Variants in GALNTL6 observed in about 807,000 individuals in gnomAD.
GALNTL6 encodes the protein polypeptide N-acetylgalactosaminyltransferase-like 6.
In GALNTL6, 46 loss-of-function variants were observed where a neutral mutation model predicts 73.7. That is an observed-to-expected ratio of 0.62 (90% CI 0.49 to 0.80). The LOEUF (loss-of-function observed/expected upper bound fraction) is 0.80, where lower values mean the gene tolerates loss of function less well. Among genes scored for constraint, GALNTL6 ranks in the 30% least tolerant of loss-of-function variants. The probability of loss-of-function intolerance (pLI) is 0.00; values close to 1 mark genes in which losing one functional copy is unlikely to be tolerated. For synonymous variants in GALNTL6, 259 were observed against 263.7 expected, an observed-to-expected ratio of 0.98 and a Z score of 0.17; for missense variants, 604 against 755.0, an observed-to-expected ratio of 0.80 and a Z score of 2.34.
intron 5 of GALNTL6, among the ~76,000 whole-genome samples, chr4:172,751,678 A>C (rs2110783527): frequency 6.6e-6 from 1 of 152,328 alleles, no homozygotes; most frequent in South Asian, 2.1e-4. Flanking sequence ...GCATATGCCC[A>C]ATTGACAGCC....
intron 5 of GALNTL6, among the ~76,000 whole-genome samples, chr4:172,665,979 C>G (rs1458702852): frequency 6.6e-6 from 1 of 151,972 alleles, no homozygotes; most frequent in Non-Finnish European, 1.5e-5. Context: ...TTCTGCTTTT[C>G]TTTATTTTTA....
At chr4:172,015,646 A>T (rs934278277) in intron 2 of GALNTL6, among the ~76,000 whole-genome samples, 1 of 152,074 alleles carries the variant, frequency 6.6e-6, no homozygotes, top group Non-Finnish European at 1.5e-5. Context: ...TGTGAGATTT[A>T]TTCTTTAAGG....
chr4:172,278,781 G>A (rs1231276016), intron 3 of GALNTL6, among the ~76,000 whole-genome samples: 1 of 152,078 alleles, frequency 6.6e-6, no homozygotes, highest in African/African-American at 2.4e-5. Context: ...TTTTGAAACT[G>A]AAAAAGAATT....
At chr4:172,747,919 A>G (rs1199316344) in intron 5 of GALNTL6, among the ~76,000 whole-genome samples, 1 of 151,962 alleles carries the variant, frequency 6.6e-6, no homozygotes, top group African/African-American at 2.4e-5. Flanking sequence ...GTTAAGCTAA[A>G]TAAGCCAGGC....
At position 172,742,817 on chromosome 4, in the gene GALNTL6, G is replaced by A. The variant is rs61649337; in HGVS notation, c.554-66544G>A. 6.1e-3 allele frequency among the ~76,000 whole-genome samples: 926 copies of A among 152,160 alleles called. 9 individuals are homozygous for A. The highest frequency in any genetic ancestry group is 0.017 in the African/African-American group (724 of 41,532). On this transcript the variant is annotated intron_variant, in intron 5 of 12. Transcript: ENST00000506823. Reference sequence around the variant, plus strand: ...TTTTGGAAGCCTTAATACTATAGCAGTCCACTTCTAGTTGGTGCTAATGTA... The same window carrying A: ...TTTTGGAAGCCTTAATACTATAGCAATCCACTTCTAGTTGGTGCTAATGTA...
intron 5 of GALNTL6, among the ~76,000 whole-genome samples, chr4:172,610,742 T>G (rs1000991546): frequency 6.6e-6 from 1 of 152,066 alleles, no homozygotes; most frequent in Non-Finnish European, 1.5e-5. Flanking sequence ...AATATCTTTG[T>G]TAATATTCTG....
chr4:172,615,130 G>A (rs1015927519), intron 5 of GALNTL6, among the ~76,000 whole-genome samples: 6 of 151,412 alleles, frequency 4.0e-5, no homozygotes, highest in Non-Finnish European at 8.8e-5. Flanking sequence ...CTGCTGAAAC[G>A]GTGTTAATCT....
At position 172,892,173 on chromosome 4, in the gene GALNTL6, A is replaced by C. The variant is rs553171093; in HGVS notation, c.1041+9266A>C. Among the ~76,000 whole-genome samples the C allele has an allele frequency of 2.0e-5, 3 of 152,286 alleles. No homozygotes were observed. The South Asian group carries it at 6.2e-4, about 32-fold the overall frequency. On this transcript the variant is annotated intron_variant, in intron 8 of 12. Coordinates refer to ENST00000506823, the MANE Select transcript of GALNTL6 (RefSeq NM_001034845.3). Reference sequence around the variant, plus strand: ...AGACATTTCAATGTGGTTAGGATCCATTGCTGGGGAGCTAGTGCAATCCTT... The same window carrying C: ...AGACATTTCAATGTGGTTAGGATCCCTTGCTGGGGAGCTAGTGCAATCCTT...
At chr4:172,246,617 C>T (rs542549296) in intron 3 of GALNTL6, among the ~76,000 whole-genome samples, 10 of 151,868 alleles carry the variant, frequency 6.6e-5, no homozygotes, top group Middle Eastern at 3.4e-3. Flanking sequence ...GGGATATCAG[C>T]GTCACACTTA....
chr4:172,484,180 A>C (rs1733593073), intron 5 of GALNTL6, among the ~76,000 whole-genome samples: 1 of 152,174 alleles, frequency 6.6e-6, no homozygotes, highest in South Asian at 2.1e-4. Flanking sequence ...TTGATCTGCT[A>C]TGTAAAAGAT....
At chr4:172,263,216 A>G (rs1333148283) in intron 3 of GALNTL6, among the ~76,000 whole-genome samples, 1 of 151,450 alleles carries the variant, frequency 6.6e-6, no homozygotes, top group East Asian at 1.9e-4. Flanking sequence ...AATAAGTTTT[A>G]CAAACTTTTA....
chr4:172,372,032 A>C (rs1471886165), intron 5 of GALNTL6, among the ~76,000 whole-genome samples: 1 of 152,194 alleles, frequency 6.6e-6, no homozygotes, highest in East Asian at 1.9e-4. Flanking sequence ...TCTAAGGCTC[A>C]GGTAAGTGCC....
intron 5 of GALNTL6, among the ~76,000 whole-genome samples, chr4:172,386,056 T>C (rs982572790): frequency 6.6e-6 from 1 of 152,162 alleles, no homozygotes; most frequent in African/African-American, 2.4e-5. Context: ...TCCTGCTTTA[T>C]GCTATTATTT....
In GALNTL6 at chr4:172,950,808, G is replaced by A. The variant is rs571098500; in HGVS notation, c.1150-1229G>A. On this transcript the variant is annotated intron_variant, in intron 9 of 12. Transcript: ENST00000506823. ...CCATTGCAGTCATTTTATCTTCTAA[G>A]TGCAAGTGAGAAACAGGAGTGGGTC... 2.0e-5 allele frequency among the ~76,000 whole-genome samples: 3 copies of A among 152,298 alleles called. No individual in the cohort carries two copies. The South Asian group carries it at 6.2e-4, about 32-fold the overall frequency.
intron 5 of GALNTL6, among the ~76,000 whole-genome samples, chr4:172,462,138 G>A (rs1432657610): frequency 2.6e-5 from 4 of 152,074 alleles, no homozygotes; most frequent in African/African-American, 9.7e-5. Flanking sequence ...CTCATTTTCA[G>A]GCCTTCAGAC....
chr4:172,775,363 T>C (rs1579465504), intron 5 of GALNTL6, among the ~76,000 whole-genome samples: 1 of 150,898 alleles, frequency 6.6e-6, no homozygotes, highest in East Asian at 1.9e-4. Flanking sequence ...TACTAATGTG[T>C]TTTCAAAAAT....
At chr4:172,310,637 G>T (rs772385904) in intron 3 of GALNTL6, among the ~76,000 whole-genome samples, 2 of 151,760 alleles carry the variant, frequency 1.3e-5, no homozygotes, top group Non-Finnish European at 1.5e-5. Context: ...TATATTTATC[G>T]CACTTCTCAC....
At chr4:172,907,100 C>G (rs1385900221) in intron 8 of GALNTL6, among the ~76,000 whole-genome samples, 1 of 150,794 alleles carries the variant, frequency 6.6e-6, no homozygotes, top group Non-Finnish European at 1.5e-5. Flanking sequence ...CCAATGACCA[C>G]AGAAGAAGGA....
chr4:172,263,734 T>A (rs866118436), intron 3 of GALNTL6, among the ~76,000 whole-genome samples: 5 of 151,792 alleles, frequency 3.3e-5, no homozygotes, highest in African/African-American at 9.6e-5. Flanking sequence ...AATTTTTTAT[T>A]TTCTTATTTT....
Sources: allele counts gnomAD v4.1 joint callset (sites outside exome capture counted in the v4.1 genomes callset), GRCh38; gene constraint gnomAD v4.1.1; transcripts MANE v1.5; gene names NCBI Gene and HGNC (gene_info 2026-07-23, HGNC 2026-07-21).